Variants in IFT74 observed in about 807,000 individuals in gnomAD.
The protein encoded by IFT74 is intraflagellar transport protein 74 homolog.
In IFT74, 92 loss-of-function variants were observed where a neutral mutation model predicts 96.7. The ratio of observed to expected loss-of-function variants is 0.95; its 90% CI spans 0.80 to 1.13. IFT74 has a LOEUF of 1.13. IFT74 is among the 50% of genes most tolerant of loss of function. The pLI is 0.00. For synonymous variants in IFT74, 223 were observed against 213.2 expected (o/e 1.05, Z -0.40); for missense variants, 811 against 698.2 (o/e 1.16, Z -1.82).
chr9:26,953,895 C>T (rs983477322), upstream of IFT74, among the ~76,000 whole-genome samples: 1 of 152,172 alleles, frequency 6.6e-6, no homozygotes, highest in African/African-American at 2.4e-5. Flanking sequence ...TCTGTGCACC[C>T]TGGGCTACAT....
rs556799512 is a variant in IFT74 at position 26,976,083 on chromosome 9, C to T, written c.121-2045C>T. On this transcript the variant is annotated intron_variant, in intron 2 of 19. Transcript: ENST00000380062. ...TGGTCTGTGCACAGAGTTACTTGGT[C>T]GCCGCGGTGTTGTAAGCCTCTCCTT... is the stretch of plus-strand genomic sequence containing the variant. Among the ~76,000 whole-genome samples the T allele has an allele frequency of 9.9e-5, 15 of 152,242 alleles. No individual in the cohort carries two copies. In the South Asian group the frequency reaches 2.5e-3, roughly 25 times the overall value.
At chr9:27,062,488 G>T in intron 19 of IFT74, 130 bp from the exon 20 acceptor site, 1 of 568,846 alleles carries the variant, frequency 1.8e-6, no homozygotes. Flanking sequence ...ATGATGTACT[G>T]TATTTTAAAG....
intron 1 of IFT74, chr9:26,947,436 C>T (rs910763475): frequency 5.5e-6 from 1 of 182,428 alleles, no homozygotes; most frequent in Non-Finnish European, 1.1e-5. Flanking sequence ...ACCCGGGTCT[C>T]TTCCGACTCC....
chr9:27,026,569 A>G (rs1450321236), intron 12 of IFT74, among the ~76,000 whole-genome samples: 1 of 152,220 alleles, frequency 6.6e-6, no homozygotes, highest in East Asian at 1.9e-4. Flanking sequence ...AGACCATATG[A>G]TAGGCCACAA....
chr9:27,030,536 A>C (rs1169154970), intron 13 of IFT74, among the ~76,000 whole-genome samples: 1 of 124,472 alleles, frequency 8.0e-6, no homozygotes, highest in Non-Finnish European at 1.7e-5. Context: ...TGACAGAGCA[A>C]GACTCCGTCT....
chr9:27,058,743 A>G (rs1820287559), intron 18 of IFT74, among the ~76,000 whole-genome samples: 1 of 152,224 alleles, frequency 6.6e-6, no homozygotes, highest in Non-Finnish European at 1.5e-5. Context: ...ACCATTTGAA[A>G]ACAACATACA....
intron 8 of IFT74, among the ~76,000 whole-genome samples, chr9:27,001,722 C>G (rs1160129700): frequency 6.6e-6 from 1 of 152,000 alleles, no homozygotes; most frequent in East Asian, 1.9e-4. Context: ...ATTATTAACC[C>G]CTTTTTAGAT....
At chr9:27,020,443 C>T (rs1408328188) in intron 12 of IFT74, among the ~76,000 whole-genome samples, 2 of 149,370 alleles carry the variant, frequency 1.3e-5, no homozygotes, top group Non-Finnish European at 3.0e-5. Flanking sequence ...ACATTTAAAG[C>T]AGCTTTATTT....
chr9:27,038,866 A>G (rs989184959), intron 13 of IFT74, among the ~76,000 whole-genome samples: 4 of 152,230 alleles, frequency 2.6e-5, no homozygotes, highest in African/African-American at 9.6e-5. Flanking sequence ...CCTGAGGGAT[A>G]GCAACATGCC....
intron 14 of IFT74, among the ~76,000 whole-genome samples, chr9:27,047,044 A>G (rs1416363704): frequency 6.6e-6 from 1 of 152,108 alleles, no homozygotes; most frequent in African/African-American, 2.4e-5. Flanking sequence ...GTGATGGTGC[A>G]TGCCTGTAGT....
chr9:26,992,860 G>A lies in IFT74; in HGVS notation c.587+2665G>A, dbSNP rs180720702. Among the ~76,000 whole-genome samples the A allele has an allele frequency of 1.3e-4, 20 of 152,326 alleles. No homozygotes were observed. In the East Asian group the frequency reaches 3.7e-3, roughly 28 times the overall value. On this transcript the variant is annotated intron_variant, in intron 8 of 19. Coordinates refer to ENST00000380062, the MANE Select transcript of IFT74 (RefSeq NM_025103.4). ...GAAATGCCATACCTCGAGAAGGCAG[G>A]TGTAAAAAGCTTCTGTTTTCATTCT...
intron 3 of IFT74, among the ~76,000 whole-genome samples, chr9:26,978,741 A>T (rs1228887006): frequency 6.6e-6 from 1 of 152,290 alleles, no homozygotes; most frequent in East Asian, 1.9e-4. Context: ...ATGAGAAGTG[A>T]GTCAAGAAAT....
rs544443364 is a variant in IFT74 at position 27,001,602 on chromosome 9, T to A, written c.588-7418T>A. Among the ~76,000 whole-genome samples, 7 of 152,320 alleles carry A rather than the reference T, an allele frequency of 4.6e-5. No homozygotes were observed. In the East Asian group the frequency reaches 1.3e-3, roughly 29 times the overall value. On this transcript the variant is annotated intron_variant, in intron 8 of 19. Coordinates refer to ENST00000380062, the MANE Select transcript of IFT74 (RefSeq NM_025103.4). Reference sequence around the variant, plus strand: ...TCCACATACTTGTTTGTCTTTTGTGTGTTTTTTGAGAAATATCTATTCAGT... The same window carrying A: ...TCCACATACTTGTTTGTCTTTTGTGAGTTTTTTGAGAAATATCTATTCAGT...
At chr9:27,018,465 T>C (rs1829454717) in intron 11 of IFT74, among the ~76,000 whole-genome samples, 182 bp from the exon 12 acceptor site, 1 of 152,346 alleles carries the variant, frequency 6.6e-6, no homozygotes, top group East Asian at 1.9e-4. Context: ...GGATGGAATC[T>C]GTGAATGGTT....
chr9:27,054,054 A>G (rs1396689443), intron 16 of IFT74, among the ~76,000 whole-genome samples: 1 of 152,240 alleles, frequency 6.6e-6, no homozygotes, highest in African/African-American at 2.4e-5. Flanking sequence ...TAAAACTCTT[A>G]AAGGGATAAA....
chr9:27,061,837 A>G (rs1474338564), intron 19 of IFT74, among the ~76,000 whole-genome samples: 1 of 152,018 alleles, frequency 6.6e-6, no homozygotes, highest in Admixed American at 6.6e-5. Context: ...TTTCAACTCC[A>G]TTATATGTCT....
intron 9 of IFT74, among the ~76,000 whole-genome samples, chr9:27,009,740 A>T (rs17756299): frequency 6.6e-6 from 1 of 151,986 alleles, no homozygotes; most frequent in Admixed American, 6.6e-5. Flanking sequence ...CTGCTTAATA[A>T]ACAGCTAACC....
chr9:27,035,190 T>C (rs1249597491), intron 13 of IFT74, among the ~76,000 whole-genome samples: 3 of 152,226 alleles, frequency 2.0e-5, no homozygotes, highest in African/African-American at 7.2e-5. Context: ...AAAAGCAAAA[T>C]TGAATAACTT....
chr9:26,949,906 G>T (rs1024879322), intron 1 of IFT74, among the ~76,000 whole-genome samples: 5 of 152,186 alleles, frequency 3.3e-5, no homozygotes, highest in African/African-American at 1.2e-4. Context: ...ATATCTCAAA[G>T]ACCAGTTAAT....
Sources: gnomAD v4.1 joint callset for allele counts (sites outside exome capture counted in the v4.1 genomes callset) on GRCh38, gnomAD v4.1.1 for gene constraint, MANE v1.5 for transcripts, NCBI Gene and HGNC (gene_info 2026-07-23, HGNC 2026-07-21) for gene names.